Variants in EYS observed in about 807,000 individuals in gnomAD.
EYS encodes protein eyes shut homolog.
In EYS, 250 loss-of-function variants were observed where a neutral mutation model predicts 282.1. That is an observed-to-expected ratio of 0.89 (90% CI 0.80 to 0.98). The LOEUF (loss-of-function observed/expected upper bound fraction) is 0.98, where lower values mean the gene tolerates loss of function less well. Ranked by LOEUF, EYS falls within the 50% of genes least tolerant of loss-of-function variation. The pLI is 0.00. For missense variants in EYS, 4,016 were observed against 3,709.0 expected, an observed-to-expected ratio of 1.08 and a Z score of -2.15; for synonymous variants, 1,355 against 1,282.9, an observed-to-expected ratio of 1.06 and a Z score of -1.20.
intron 37 of EYS, among the ~76,000 whole-genome samples, chr6:63,802,243 G>C (rs1770798987): frequency 6.6e-6 from 1 of 152,042 alleles, no homozygotes; most frequent in Admixed American, 6.6e-5. Flanking sequence ...CTTGCATGTG[G>C]TCTAATTTAG....
intron 33 of EYS, among the ~76,000 whole-genome samples, chr6:64,014,684 T>C (rs929268847): frequency 6.6e-6 from 1 of 152,158 alleles, no homozygotes; most frequent in Non-Finnish European, 1.5e-5. Flanking sequence ...ATCCATTGGG[T>C]GAGTCTTGGA....
intron 19 of EYS, among the ~76,000 whole-genome samples, chr6:64,839,192 A>T (rs1360027692): frequency 6.6e-6 from 1 of 152,086 alleles, no homozygotes; most frequent in South Asian, 2.1e-4. Context: ...TTGCTTGAGC[A>T]GTTCACTATA....
intron 8 of EYS, among the ~76,000 whole-genome samples, 165 bp from the exon 9 acceptor site, chr6:65,353,782 C>T (rs1405637625): frequency 6.6e-6 from 1 of 151,980 alleles, no homozygotes; most frequent in Non-Finnish European, 1.5e-5. Flanking sequence ...TTTATCTTTT[C>T]TTTCTGTACT....
intron 34 of EYS, among the ~76,000 whole-genome samples, chr6:63,987,011 ACT>A (rs1391615147): frequency 6.6e-6 from 1 of 151,562 alleles, no homozygotes; most frequent in African/African-American, 2.4e-5. Context: ...GAATAAAGAG[ACT>A]CTGTAAAATT....
intron 19 of EYS, among the ~76,000 whole-genome samples, chr6:64,877,054 A>G (rs1240886572): frequency 2.0e-5 from 3 of 152,156 alleles, no homozygotes; most frequent in Non-Finnish European, 4.4e-5. Context: ...TTCAGGCAAG[A>G]GATGATGGGG....
Position 64,389,557 on chromosome 6 carries a change from G to A in EYS, c.5928-717C>T, listed in dbSNP as rs1773032149. On this transcript the variant is annotated intron_variant, in intron 28 of 42. Transcript: ENST00000503581. ...GTAAATAAACTTTAATTGGCACACA[G>A]CCATATGTTTCTTTACATATAGTCT... 2.0e-5 allele frequency among the ~76,000 whole-genome samples: 3 copies of A among 152,264 alleles called. No homozygotes were observed. The South Asian group carries it at 6.2e-4, about 32-fold the overall frequency.
intron 1 of EYS, among the ~76,000 whole-genome samples, chr6:65,704,280 T>C (rs532825492): frequency 7.6e-4 from 116 of 152,330 alleles, no homozygotes; most frequent in African/African-American, 2.5e-3. Flanking sequence ...CTAGATGAGA[T>C]GTGTACTATT....
At chr6:65,556,827 A>G (rs996074929) in intron 2 of EYS, among the ~76,000 whole-genome samples, 2 of 152,056 alleles carry the variant, frequency 1.3e-5, no homozygotes, top group African/African-American at 4.8e-5. Flanking sequence ...TTTTCATATG[A>G]ATTCTATATA....
intron 29 of EYS, among the ~76,000 whole-genome samples, chr6:64,338,281 T>C (rs59307113): frequency 0.031 from 4,734 of 152,002 alleles, 230 homozygotes; most frequent in African/African-American, 0.11. Flanking sequence ...TTCAGCAAAG[T>C]TTCTGGATAC....
chr6:64,617,734 T>C (rs1173424347), intron 23 of EYS, among the ~76,000 whole-genome samples: 2 of 152,158 alleles, frequency 1.3e-5, no homozygotes, highest in Non-Finnish European at 2.9e-5. Context: ...AAAATTAAAC[T>C]CAGAGAAAAT....
At chr6:65,016,442 T>A (rs1772054152) in intron 13 of EYS, among the ~76,000 whole-genome samples, 1 of 151,332 alleles carries the variant, frequency 6.6e-6, no homozygotes. Context: ...TGAATTTTAG[T>A]TTCTCATGAT....
chr6:63,844,375 A>AT (rs1344799807), intron 36 of EYS, among the ~76,000 whole-genome samples: 1 of 152,118 alleles, frequency 6.6e-6, no homozygotes, highest in Non-Finnish European at 1.5e-5. Flanking sequence ...ATACTCAGTA[A>AT]TTGGATTGCT....
intron 15 of EYS, among the ~76,000 whole-genome samples, chr6:64,920,854 T>C (rs1214662397): frequency 6.6e-6 from 1 of 152,094 alleles, no homozygotes; most frequent in East Asian, 1.9e-4. Flanking sequence ...TACTAAGATA[T>C]AGAACTTAAA....
rs10080397 is a variant in EYS at position 63,986,311 on chromosome 6, T to C, written c.6835-1708A>G. 2.7e-3 allele frequency among the ~76,000 whole-genome samples: 406 copies of C among 151,978 alleles called. 1 individual carries two copies. Among genetic ancestry groups the C allele is most frequent in the African/African-American group, 9.4e-3 (391 of 41,506 alleles). On this transcript the variant is annotated intron_variant, in intron 34 of 42. Coordinates refer to ENST00000503581, the MANE Select transcript of EYS (RefSeq NM_001142800.2). ...GGTTGCAGAGAAAAAGGAACACTTA[T>C]ACACTGTTGGTGGGAATGTAAATTA... is the stretch of plus-strand genomic sequence containing the variant.
At chr6:64,415,215 T>C (rs771636047) in intron 28 of EYS, among the ~76,000 whole-genome samples, 11 of 152,190 alleles carry the variant, frequency 7.2e-5, no homozygotes, top group African/African-American at 1.4e-4. Flanking sequence ...TTGGTGGTGT[T>C]TGAAGTACAC....
intron 29 of EYS, among the ~76,000 whole-genome samples, chr6:64,337,635 C>T (rs769043447): frequency 2.2e-4 from 33 of 151,930 alleles, no homozygotes; most frequent in Non-Finnish European, 3.8e-4. Flanking sequence ...TCCATGAAGC[C>T]AGCATCATCT....
At chr6:65,127,839 T>A (rs2150200433) in intron 12 of EYS, among the ~76,000 whole-genome samples, 1 of 152,116 alleles carries the variant, frequency 6.6e-6, no homozygotes, top group Non-Finnish European at 1.5e-5. Context: ...CAGAAAAAAA[T>A]GTGTGTGCAA....
Position 63,721,385 on chromosome 6 carries a change from G to A in EYS, c.8646C>T (p.Asn2882=), listed in dbSNP as rs1290089160. Residue 2882 remains asparagine, a synonymous_variant, in exon 43 of 43, where the codon AAC becomes AAT. Coordinates refer to ENST00000503581, the MANE Select transcript of EYS (RefSeq NM_001142800.2). ...TACATTCACCTCCATTTCTGCATGT[G>A]TTGTACCCACAGGCTGTCCCATCAC... The part of the protein sequence containing the change: ...GDCDGTACGY[N]TCRNGGECTV... The A allele has an allele frequency of 4.5e-6, 7 of 1,551,624 alleles. No homozygotes were observed. The highest frequency in any genetic ancestry group is 6.1e-6 in the Non-Finnish European group (7 of 1,146,938).
chr6:63,762,633 G>C lies in EYS; in HGVS notation c.7899C>G (p.Tyr2633Ter). The C allele has an allele frequency of 6.5e-7, 1 of 1,549,364 alleles. No homozygotes were observed. Among genetic ancestry groups the C allele is most frequent in the Non-Finnish European group, 8.7e-7 (1 of 1,145,704 alleles). ...CTTTCCACCCAGTGGTACAATTGCA[G>C]CTGTGGGTTGAGAGAAAGCCGCATG... ...GTCIESGTSVYCNCTTGWKGS... is the reference protein window; with the variant it reads ...GTCIESGTSV Residue 2633 changes from tyrosine to a stop codon, truncating the protein, a stop_gained and splice_region_variant, in exon 41 of 43, where the codon TAC becomes TAG. Transcript: ENST00000503581. LOFTEE classifies it high-confidence loss of function.
Sources: gnomAD v4.1 joint callset for allele counts (sites outside exome capture counted in the v4.1 genomes callset) on GRCh38, gnomAD v4.1.1 for gene constraint, MANE v1.5 for transcripts, NCBI Gene and HGNC (gene_info 2026-07-23, HGNC 2026-07-21) for gene names.